The following SMARCC1 variants were observed in gnomAD, a reference collection of about 807,000 sequenced individuals.
SMARCC1 encodes the protein SWI/SNF related BAF chromatin remodeling complex subunit C1.
Under a neutral mutation model 147.4 loss-of-function variants are expected in SMARCC1, and 43 were observed. The observed-to-expected ratio is 0.29, with a 90% CI of 0.23 to 0.38. The LOEUF is 0.38. Among genes scored for constraint, SMARCC1 ranks in the 10% least tolerant of loss-of-function variants. The pLI is 1.00. For missense variants in SMARCC1, 1,119 were observed against 1,381.1 expected (o/e 0.81, Z 3.01); for synonymous variants, 495 against 484.4 (o/e 1.02, Z -0.29).
chr3:47,665,752 A>C (rs907538308), intron 19 of SMARCC1, among the ~76,000 whole-genome samples: 3 of 152,192 alleles, frequency 2.0e-5, no homozygotes, highest in African/African-American at 2.4e-5. Context: ...GAAAGTTTTT[A>C]GTAAGTATCT....
intron 18 of SMARCC1, among the ~76,000 whole-genome samples, chr3:47,674,159 T>G (rs1185197645): frequency 6.6e-6 from 1 of 152,272 alleles, no homozygotes; most frequent in Non-Finnish European, 1.5e-5. Flanking sequence ...TTGTAATTTC[T>G]ACACGTTATA....
chr3:47,703,084 C>T (rs534459993), intron 10 of SMARCC1, among the ~76,000 whole-genome samples: 2 of 152,258 alleles, frequency 1.3e-5, no homozygotes, highest in African/African-American at 4.8e-5. Flanking sequence ...CGCTCAATCA[C>T]GCACCGGCTA....
At chr3:47,703,706 G>A (rs1488996320) in intron 10 of SMARCC1, among the ~76,000 whole-genome samples, 1 of 152,168 alleles carries the variant, frequency 6.6e-6, no homozygotes, top group Non-Finnish European at 1.5e-5. Context: ...CAGAGCGAAT[G>A]CTCAAAGTTC....
At chr3:47,648,301 A>ACC (rs1378496350) in intron 21 of SMARCC1, among the ~76,000 whole-genome samples, 1 of 151,276 alleles carries the variant, frequency 6.6e-6, no homozygotes, top group African/African-American at 2.4e-5. Flanking sequence ...GGCCTTATAA[A>ACC]CCTCTTTTTC....
At chr3:47,676,596 TC>T in intron 17 of SMARCC1, 32 bp downstream of exon 17, 1 of 1,586,190 alleles carries the variant, frequency 6.3e-7, no homozygotes. Context: ...TTTGTTACTA[TC>T]CAGGTCTGAT....
chr3:47,645,489 A>G (rs2033107198), intron 21 of SMARCC1, among the ~76,000 whole-genome samples: 1 of 152,182 alleles, frequency 6.6e-6, no homozygotes, highest in South Asian at 2.1e-4. Context: ...AGGGTACAGC[A>G]GGGTATCATT....
chr3:47,722,934 G>T (rs2034250206), intron 6 of SMARCC1, among the ~76,000 whole-genome samples: 1 of 152,196 alleles, frequency 6.6e-6, no homozygotes, highest in African/African-American at 2.4e-5. Flanking sequence ...GTAACACAGG[G>T]CAGAGTAACA....
chr3:47,686,219 G>T (rs766014267), intron 13 of SMARCC1, 49 bp from the exon 14 acceptor site: 21 of 1,469,668 alleles, frequency 1.4e-5, no homozygotes, highest in African/African-American at 1.3e-4. Flanking sequence ...TACAGAGAGA[G>T]ATATATATAA....
chr3:47,720,601 A>G (rs1246076037), intron 7 of SMARCC1, 65 bp downstream of exon 7: 1 of 1,083,694 alleles, frequency 9.2e-7, no homozygotes, highest in African/African-American at 1.6e-5. Context: ...AAATAAAACT[A>G]TAAATAAATG....
intron 7 of SMARCC1, among the ~76,000 whole-genome samples, chr3:47,717,907 A>G (rs2034177290): frequency 6.6e-6 from 1 of 151,826 alleles, no homozygotes; most frequent in Non-Finnish European, 1.5e-5. Context: ...TTTTTTTAAG[A>G]TGACAATGGT....
intron 21 of SMARCC1, among the ~76,000 whole-genome samples, chr3:47,641,319 T>A (rs1012387668): frequency 1.3e-5 from 2 of 152,050 alleles, no homozygotes; most frequent in African/African-American, 4.8e-5. Context: ...AAACCCCGTG[T>A]CCACAAACTA....
intron 6 of SMARCC1, among the ~76,000 whole-genome samples, chr3:47,723,980 T>G (rs2034267473): frequency 6.6e-6 from 1 of 152,146 alleles, no homozygotes; most frequent in Non-Finnish European, 1.5e-5. Context: ...TTTTATCTGT[T>G]AGGATGACCA....
At chr3:47,648,891 C>T (rs1219838637) in intron 21 of SMARCC1, among the ~76,000 whole-genome samples, 1 of 152,138 alleles carries the variant, frequency 6.6e-6, no homozygotes, top group Non-Finnish European at 1.5e-5. Flanking sequence ...GGGAATATCT[C>T]AAATATCCAA....
At chr3:47,598,856 G>GAA (rs2106650161) in intron 26 of SMARCC1, among the ~76,000 whole-genome samples, 1 of 135,688 alleles carries the variant, frequency 7.4e-6, no homozygotes, top group African/African-American at 2.8e-5. Flanking sequence ...AAAAAAGAGA[G>GAA]AGAGAGACAC....
intron 3 of SMARCC1, among the ~76,000 whole-genome samples, chr3:47,744,536 C>T (rs1430251223): frequency 6.6e-6 from 1 of 152,094 alleles, no homozygotes; most frequent in East Asian, 1.9e-4. Context: ...TTGCACTTCC[C>T]AACCATAAAG....
chr3:47,753,325 CA>C (rs35435595), intron 2 of SMARCC1, among the ~76,000 whole-genome samples: 218 of 92,858 alleles, frequency 2.3e-3, no homozygotes, highest in African/African-American at 3.3e-3. Context: ...ACTCCATCTC[CA>C]AAAAAAAAAA....
chr3:47,748,206 C>T (rs1345486461), intron 2 of SMARCC1, among the ~76,000 whole-genome samples: 2 of 151,930 alleles, frequency 1.3e-5, no homozygotes, highest in African/African-American at 4.8e-5. Flanking sequence ...TAAGTGAACA[C>T]TTTTATTATA....
intron 24 of SMARCC1, among the ~76,000 whole-genome samples, chr3:47,633,924 T>C (rs2032934545): frequency 6.6e-6 from 1 of 151,206 alleles, no homozygotes; most frequent in Admixed American, 6.6e-5. Context: ...GACAAAGAGA[T>C]GCACAAACAC....
At chr3:47,713,358 T>TAAATAAAA (rs1358664000) in intron 8 of SMARCC1, among the ~76,000 whole-genome samples, 17 of 135,832 alleles carry the variant, frequency 1.3e-4, no homozygotes, top group African/African-American at 4.2e-4. Context: ...AATAAATAAA[T>TAAATAAAA]AAAAGATAAA....
Sources: gnomAD v4.1 joint callset for allele counts (sites outside exome capture counted in the v4.1 genomes callset) on GRCh38, gnomAD v4.1.1 for gene constraint, MANE v1.5 for transcripts, NCBI Gene and HGNC (gene_info 2026-07-23, HGNC 2026-07-21) for gene names.